The following SLC35F4 variants were observed in gnomAD, a reference collection of about 807,000 sequenced individuals.
SLC35F4 encodes the protein solute carrier family 35 member F4, also known as chromosome 14 open reading frame 36.
Under a neutral mutation model 44.2 loss-of-function variants are expected in SLC35F4, and 24 were observed. The ratio of observed to expected loss-of-function variants is 0.54; its 90% CI spans 0.39 to 0.76. The LOEUF is 0.76. SLC35F4 is among the 30% of genes least tolerant of loss of function. SLC35F4 has a pLI of 0.00. For missense variants in SLC35F4, 562 were observed against 586.1 expected (o/e 0.96, Z 0.42); for synonymous variants, 238 against 223.6 (o/e 1.06, Z -0.57).
At chr14:57,606,917 T>G (rs1181387075) in intron 1 of SLC35F4, among the ~76,000 whole-genome samples, 1 of 152,184 alleles carries the variant, frequency 6.6e-6, no homozygotes, top group Non-Finnish European at 1.5e-5. Context: ...ACTAATTAAT[T>G]AATAAGTTAT....
chr14:57,787,849 T>G (rs2077806986), intron 1 of SLC35F4, among the ~76,000 whole-genome samples: 1 of 152,002 alleles, frequency 6.6e-6, no homozygotes, highest in Non-Finnish European at 1.5e-5. Flanking sequence ...AAAATACAAG[T>G]TAAAAAGCAA....
intron 1 of SLC35F4, among the ~76,000 whole-genome samples, chr14:57,651,724 G>A (rs2073791358): frequency 6.6e-6 from 1 of 152,184 alleles, no homozygotes; most frequent in Admixed American, 6.5e-5. Context: ...GTGAGTGTGT[G>A]TGTGTGAGCT....
At chr14:57,883,005 G>A (rs1274166538) in intron 1 of SLC35F4, among the ~76,000 whole-genome samples, 2 of 151,132 alleles carry the variant, frequency 1.3e-5, no homozygotes, top group African/African-American at 4.9e-5. Context: ...AGGGGAGAGA[G>A]GAGGAGGAGG....
intron 1 of SLC35F4, among the ~76,000 whole-genome samples, chr14:57,732,384 T>C (rs927999555): frequency 2.6e-5 from 4 of 152,106 alleles, no homozygotes; most frequent in Admixed American, 1.3e-4. Context: ...ATAATGTGTA[T>C]GCAAACTAGA....
At chr14:57,790,244 C>G (rs954136043) in intron 1 of SLC35F4, among the ~76,000 whole-genome samples, 1 of 152,088 alleles carries the variant, frequency 6.6e-6, no homozygotes, top group Non-Finnish European at 1.5e-5. Flanking sequence ...TTAGAAAATC[C>G]CATCATCTCA....
At chr14:57,713,890 T>C (rs1325822782) in intron 1 of SLC35F4, among the ~76,000 whole-genome samples, 1 of 152,174 alleles carries the variant, frequency 6.6e-6, no homozygotes, top group Admixed American at 6.6e-5. Flanking sequence ...CGAACTGCTG[T>C]TGTTGTAGCC....
chr14:57,670,721 A>C (rs1594760056), intron 1 of SLC35F4, among the ~76,000 whole-genome samples: 1 of 151,740 alleles, frequency 6.6e-6, no homozygotes, highest in East Asian at 1.9e-4. Context: ...CTGTTCTTTT[A>C]ACATTTTACT....
chr14:57,744,002 A>G (rs2076690921), intron 1 of SLC35F4, among the ~76,000 whole-genome samples: 1 of 152,214 alleles, frequency 6.6e-6, no homozygotes, highest in Non-Finnish European at 1.5e-5. Context: ...AGACGCAGAA[A>G]AAGCCTTCAA....
At chr14:57,957,471 A>T (rs1202778969) in intron 1 of SLC35F4, among the ~76,000 whole-genome samples, 1 of 152,178 alleles carries the variant, frequency 6.6e-6, no homozygotes, top group Non-Finnish European at 1.5e-5. Context: ...CCATATATAC[A>T]AATTTTGCAA....
upstream of SLC35F4, among the ~76,000 whole-genome samples, chr14:57,982,444 C>T (rs957526657): frequency 1.1e-4 from 17 of 152,188 alleles, no homozygotes; most frequent in African/African-American, 4.1e-4. Context: ...TGCTTCACAA[C>T]TTCCCTGATG....
chr14:57,676,752 T>C (rs2074708202), intron 1 of SLC35F4, among the ~76,000 whole-genome samples: 2 of 151,838 alleles, frequency 1.3e-5, no homozygotes, highest in South Asian at 4.2e-4. Context: ...AATTAAAAAG[T>C]CAAAAAACAA....
At chr14:57,912,972 T>C (rs1594620512) in intron 1 of SLC35F4, among the ~76,000 whole-genome samples, 1 of 152,108 alleles carries the variant, frequency 6.6e-6, no homozygotes, top group South Asian at 2.1e-4. Flanking sequence ...ACAATAAGGA[T>C]TGTTATGTCT....
chr14:57,594,258 C>T (rs149152522), intron 1 of SLC35F4, 134 bp from the exon 2 acceptor site: 22,057 of 851,148 alleles, frequency 0.026, 357 homozygotes, highest in Non-Finnish European at 0.033. Flanking sequence ...GGTGTGATCT[C>T]GAGTCACTGC....
At chr14:57,638,698 A>G (rs1408720448) in intron 1 of SLC35F4, among the ~76,000 whole-genome samples, 1 of 152,136 alleles carries the variant, frequency 6.6e-6, no homozygotes, top group Non-Finnish European at 1.5e-5. Flanking sequence ...CCCTTCTGAT[A>G]CAAGGAAGGC....
chr14:57,829,143 C>G (rs1041139870), intron 1 of SLC35F4, among the ~76,000 whole-genome samples: 1 of 152,192 alleles, frequency 6.6e-6, no homozygotes, highest in East Asian at 1.9e-4. Flanking sequence ...ATGAGCTACA[C>G]AGACAAATGA....
intron 1 of SLC35F4, among the ~76,000 whole-genome samples, chr14:57,880,080 GGAAGGAAGGAA>G: frequency 8.6e-6 from 1 of 116,308 alleles, no homozygotes; most frequent in East Asian, 2.2e-4. Flanking sequence ...AAGGAAGGAA[GGAAGGAAGGAA>G]GGAAGGAAGG....
intron 1 of SLC35F4, among the ~76,000 whole-genome samples, chr14:57,910,119 G>A (rs868164731): frequency 8.6e-5 from 13 of 152,028 alleles, no homozygotes; most frequent in African/African-American, 3.1e-4. Flanking sequence ...ATCTGTTCAA[G>A]TCTTTTGCCT....
chr14:57,888,694 TG>T (rs1298430162), intron 1 of SLC35F4, among the ~76,000 whole-genome samples: 6 of 152,070 alleles, frequency 3.9e-5, no homozygotes, highest in African/African-American at 1.4e-4. Context: ...ATTTGTACTT[TG>T]TTTCAAATTG....
At chr14:57,643,683 T>C (rs1345571494) in intron 1 of SLC35F4, among the ~76,000 whole-genome samples, 2 of 152,146 alleles carry the variant, frequency 1.3e-5, no homozygotes, top group African/African-American at 4.8e-5. Flanking sequence ...TTGTTACTTA[T>C]GTATACATGT....
Sources: allele counts gnomAD v4.1 joint callset (sites outside exome capture counted in the v4.1 genomes callset), GRCh38; gene constraint gnomAD v4.1.1; transcripts MANE v1.5; gene names NCBI Gene and HGNC (gene_info 2026-07-23, HGNC 2026-07-21).